TMEM178B: variants seen among roughly 807,000 people sequenced by gnomAD.
TMEM178B encodes transmembrane protein 178B.
Under a neutral mutation model 31.0 loss-of-function variants are expected in TMEM178B, and 5 were observed. That is an observed-to-expected ratio of 0.16 (90% CI 0.08 to 0.34). The LOEUF (loss-of-function observed/expected upper bound fraction) is 0.34, where lower values mean the gene tolerates loss of function less well. TMEM178B is among the 10% of genes least tolerant of loss of function. The probability of loss-of-function intolerance (pLI) is 1.00; values close to 1 mark genes in which losing one functional copy is unlikely to be tolerated. For missense variants in TMEM178B, 275 were observed against 400.3 expected, an observed-to-expected ratio of 0.69 and a Z score of 2.67; for synonymous variants, 164 against 164.0, an observed-to-expected ratio of 1.00 and a Z score of 0.00.
At chr7:141,138,215 C>T (rs1305538892) in intron 1 of TMEM178B, among the ~76,000 whole-genome samples, 4 of 152,052 alleles carry the variant, frequency 2.6e-5, no homozygotes, top group Admixed American at 1.3e-4. Flanking sequence ...GCACCCACCA[C>T]CATGCCTGGC....
rs1365094406 is a variant in TMEM178B at position 141,174,530 on chromosome 7, T to C, written c.383-38061T>C. On this transcript the variant is annotated intron_variant, in intron 1 of 3. Coordinates refer to ENST00000565468, the MANE Select transcript of TMEM178B (RefSeq NM_001195278.2). The stretch of plus-strand genomic sequence containing the variant: ...TTTCTAGTTCTAGATCCTTGAGGAA[T>C]CACCACACTGTTTTCCACAATGGTT... Among the ~76,000 whole-genome samples, 3 of 152,202 alleles carry C rather than the reference T, an allele frequency of 2.0e-5. No individual in the cohort carries two copies. The East Asian group carries it at 5.8e-4, about 29-fold the overall frequency.
intron 1 of TMEM178B, among the ~76,000 whole-genome samples, chr7:141,178,971 C>T (rs1007781453): frequency 6.6e-6 from 1 of 152,142 alleles, no homozygotes; most frequent in African/African-American, 2.4e-5. Flanking sequence ...GGGCTTGTTC[C>T]GAACCTCTTT....
At chr7:141,173,011 T>C (rs1353117410) in intron 1 of TMEM178B, 1 of 152,208 alleles carries the variant, frequency 6.6e-6, no homozygotes, top group African/African-American at 2.4e-5. Context: ...CTGCTGAGTA[T>C]TATACTTGGC....
In TMEM178B at chr7:141,288,469, G is replaced by T. The variant is rs558736552; in HGVS notation, c.496+75765G>T. Among the ~76,000 whole-genome samples, 937 of 144,770 alleles carry T rather than the reference G, an allele frequency of 6.5e-3. 12 individuals are homozygous for T. The highest frequency in any genetic ancestry group is 0.023 in the African/African-American group (899 of 38,624). 95.0% of individuals were successfully genotyped at this position (144,770 alleles called of 152,430 possible). A position where few individuals can be genotyped will look rare whatever the true frequency, so the allele number is the denominator to read the frequency against. ...CTACAAAGATAAGCAGAGCATCCCT[G>T]TCCGGAAAAAAATGAAAAAAAAAAA... is the stretch of plus-strand genomic sequence containing the variant. On this transcript the variant is annotated intron_variant, in intron 2 of 3. Transcript: ENST00000565468.
intron 1 of TMEM178B, among the ~76,000 whole-genome samples, chr7:141,085,055 G>A (rs1472130613): frequency 1.3e-5 from 2 of 151,526 alleles, no homozygotes; most frequent in Non-Finnish European, 2.9e-5. Flanking sequence ...TCAGCTCACT[G>A]CAGTCTCTGC....
chr7:141,390,065 T>C (rs1404659895), intron 2 of TMEM178B, among the ~76,000 whole-genome samples: 1 of 152,060 alleles, frequency 6.6e-6, no homozygotes, highest in Non-Finnish European at 1.5e-5. Flanking sequence ...CACCTAGAAA[T>C]ACTTCAAGCA....
chr7:141,238,744 G>A (rs1038752403), intron 2 of TMEM178B, among the ~76,000 whole-genome samples: 3 of 152,212 alleles, frequency 2.0e-5, no homozygotes, highest in Non-Finnish European at 1.5e-5. Flanking sequence ...CTGTTTATGC[G>A]GATCTAGGCC....
intron 1 of TMEM178B, among the ~76,000 whole-genome samples, chr7:141,135,681 C>T (rs1795664607): frequency 6.6e-6 from 1 of 151,962 alleles, no homozygotes; most frequent in South Asian, 2.1e-4. Context: ...AATCTTGAAA[C>T]AAATGAAAAT....
intron 2 of TMEM178B, among the ~76,000 whole-genome samples, chr7:141,337,171 C>T (rs1586899973): frequency 2.3e-5 from 2 of 86,218 alleles, no homozygotes; most frequent in Non-Finnish European, 2.3e-5. Flanking sequence ...CCACCACCAC[C>T]ACCACCACCA....
downstream of TMEM178B, among the ~76,000 whole-genome samples, chr7:141,480,584 G>A (rs935998336): frequency 6.6e-6 from 1 of 152,280 alleles, no homozygotes; most frequent in Non-Finnish European, 1.5e-5. Flanking sequence ...TGCTTCGCAT[G>A]TTGGGTGGAA....
chr7:141,433,045 T>G (rs989410177), intron 2 of TMEM178B, among the ~76,000 whole-genome samples: 2 of 152,164 alleles, frequency 1.3e-5, no homozygotes, highest in African/African-American at 4.8e-5. Context: ...AACATCCATA[T>G]GCACACAGTC....
rs1802369333 is a variant in TMEM178B, at chr7:141,476,632, C to A, written c.*5846C>A. The A allele has an allele frequency of 6.6e-6, 1 of 152,274 alleles. No homozygotes were observed. The highest frequency in any genetic ancestry group is 2.4e-5 in the African/African-American group (1 of 41,550). The allele number at this position is 152,274 out of a possible 1,614,324, so 9.4% of individuals were successfully genotyped here. On this transcript the variant is annotated 3_prime_UTR_variant, in exon 4 of 4. Coordinates refer to ENST00000565468, the MANE Select transcript of TMEM178B (RefSeq NM_001195278.2). The stretch of plus-strand genomic sequence containing the variant: ...TAGCTTCGTCAAAAACATATGAATT[C>A]ATATAAGGAAGCCCTTTAGATGGTA...
intron 2 of TMEM178B, among the ~76,000 whole-genome samples, chr7:141,417,202 GA>G (rs1801114535): frequency 6.6e-6 from 1 of 152,174 alleles, no homozygotes; most frequent in Non-Finnish European, 1.5e-5. Flanking sequence ...CTACCAAATG[GA>G]ATAGATGGAT....
chr7:141,264,848 G>C (rs1215908212), intron 2 of TMEM178B, among the ~76,000 whole-genome samples: 1 of 152,184 alleles, frequency 6.6e-6, no homozygotes, highest in Non-Finnish European at 1.5e-5. Context: ...GAAATGGACT[G>C]TGTTTTGCGA....
intron 2 of TMEM178B, among the ~76,000 whole-genome samples, chr7:141,222,839 T>TA (rs1797277863): frequency 6.6e-6 from 1 of 152,188 alleles, no homozygotes; most frequent in Non-Finnish European, 1.5e-5. Context: ...AAGTGTAGCA[T>TA]ATTGTGAAAG....
chr7:141,139,333 C>T (rs1425965308), intron 1 of TMEM178B, among the ~76,000 whole-genome samples: 2 of 152,098 alleles, frequency 1.3e-5, no homozygotes, highest in African/African-American at 4.8e-5. Flanking sequence ...TTTTTATCTT[C>T]AATATTTCAT....
intron 2 of TMEM178B, among the ~76,000 whole-genome samples, chr7:141,364,009 G>A (rs887714427): frequency 6.6e-6 from 1 of 151,242 alleles, no homozygotes; most frequent in Admixed American, 6.6e-5. Context: ...GGTTAAGAAG[G>A]CTTCATACAT....
downstream of TMEM178B, among the ~76,000 whole-genome samples, chr7:141,481,689 T>C (rs1202067127): frequency 6.6e-6 from 1 of 152,084 alleles, no homozygotes; most frequent in Admixed American, 6.5e-5. Flanking sequence ...GCAGGTGACT[T>C]ATAGAATAGA....
At chr7:141,460,469 G>A (rs560035474) in intron 3 of TMEM178B, among the ~76,000 whole-genome samples, 1 of 152,352 alleles carries the variant, frequency 6.6e-6, no homozygotes, top group South Asian at 2.1e-4. Flanking sequence ...AATACTAGGG[G>A]TTAGGGTTTC....
Sources: gnomAD v4.1 joint callset for allele counts (sites outside exome capture counted in the v4.1 genomes callset) on GRCh38, gnomAD v4.1.1 for gene constraint, MANE v1.5 for transcripts, NCBI Gene and HGNC (gene_info 2026-07-23, HGNC 2026-07-21) for gene names.